Variants in DLGAP2 observed in about 807,000 individuals in gnomAD.
DLGAP2 encodes the protein disks large-associated protein 2.
Under a neutral mutation model 100.3 loss-of-function variants are expected in DLGAP2, and 26 were observed. The observed-to-expected ratio is 0.26, with a 90% confidence interval of 0.19 to 0.36. The LOEUF is 0.36. Among genes scored for constraint, DLGAP2 ranks in the 10% least tolerant of loss-of-function variants. The pLI is 1.00. For missense variants in DLGAP2, 1,858 were observed against 1,453.2 expected (o/e 1.28, Z -4.53); for synonymous variants, 886 against 630.1 (o/e 1.41, Z -6.08).
chr8:1,133,840 A>G lies in DLGAP2; in HGVS notation c.74-125011A>G, dbSNP rs1263864171. On this transcript the variant is annotated intron_variant, in intron 2 of 14. Transcript: ENST00000637795. ...TACAATCATAAAATCCGTATTGGGA[A>G]TTGATTAACCCTTTTTTTTTTTAAG... 3.9e-5 allele frequency among the ~76,000 whole-genome samples: 6 copies of G among 152,194 alleles called. No individual in the cohort carries two copies. In the South Asian group the frequency reaches 8.3e-4, roughly 21 times the overall value.
chr8:1,571,787 ACG>A (rs1201089692), intron 6 of DLGAP2, among the ~76,000 whole-genome samples: 1 of 106,282 alleles, frequency 9.4e-6, no homozygotes. Flanking sequence ...TGGAGAGGAG[ACG>A]GGGTGAACTA....
At chr8:1,590,533 C>T (rs1344569631) in intron 6 of DLGAP2, among the ~76,000 whole-genome samples, 1 of 152,184 alleles carries the variant, frequency 6.6e-6, no homozygotes, top group Non-Finnish European at 1.5e-5. Flanking sequence ...AACCTGATTT[C>T]CTTTCCTCAG....
intron 3 of DLGAP2, among the ~76,000 whole-genome samples, chr8:1,309,508 T>C (rs1800564606): frequency 1.3e-5 from 2 of 152,208 alleles, no homozygotes; most frequent in South Asian, 4.1e-4. Context: ...AGTAAAACTA[T>C]CCTTCACAAT....
At chr8:1,234,786 T>C (rs1798607991) in intron 2 of DLGAP2, among the ~76,000 whole-genome samples, 1 of 152,196 alleles carries the variant, frequency 6.6e-6, no homozygotes, top group African/African-American at 2.4e-5. Context: ...CTTGCGCAAC[T>C]GGGGCCTTTC....
intron 2 of DLGAP2, among the ~76,000 whole-genome samples, chr8:1,065,738 C>T (rs1210348806): frequency 6.6e-6 from 1 of 152,206 alleles, no homozygotes; most frequent in Non-Finnish European, 1.5e-5. Context: ...CATTTAAGTA[C>T]ATCGTTTGCT....
At chr8:1,256,980 G>A (rs985427556) in intron 2 of DLGAP2, among the ~76,000 whole-genome samples, 3 of 152,132 alleles carry the variant, frequency 2.0e-5, no homozygotes, top group East Asian at 3.9e-4. Flanking sequence ...GTGGCCCTGG[G>A]CCCAGGGCTC....
intron 1 of DLGAP2, 28 bp from the exon 2 acceptor site, chr8:907,884 T>C: frequency 2.5e-6 from 1 of 398,836 alleles, no homozygotes; most frequent in Non-Finnish European, 4.4e-6. Flanking sequence ...TGATAACAAA[T>C]GTATTTTATT....
intron 3 of DLGAP2, among the ~76,000 whole-genome samples, chr8:1,260,991 G>A (rs555056664): frequency 7.2e-5 from 11 of 152,226 alleles, no homozygotes; most frequent in Non-Finnish European, 1.2e-4. Context: ...CATACTGTCG[G>A]CTCCCAGCAA....
At chr8:1,645,037 G>C (rs775242942) in intron 8 of DLGAP2, among the ~76,000 whole-genome samples, 1 of 152,162 alleles carries the variant, frequency 6.6e-6, no homozygotes, top group African/African-American at 2.4e-5. Flanking sequence ...CAAGGTTAGA[G>C]AGAGCTCTGA....
Position 1,433,738 on chromosome 8 carries a change from C to CTTTTTTTTT in DLGAP2, c.107-67618_107-67610dup, listed in dbSNP as rs3052055. Among the ~76,000 whole-genome samples, 11 of 124,206 alleles carry CTTTTTTTTT rather than the reference C, an allele frequency of 8.9e-5. 1 individual carries two copies. The highest frequency in any genetic ancestry group is 1.1e-4 in the Non-Finnish European group (7 of 61,990). The allele number at this position is 124,206 out of a possible 152,430, so 81.5% of individuals were successfully genotyped here. A position where few individuals can be genotyped will look rare whatever the true frequency, so the allele number is the denominator to read the frequency against. The stretch of plus-strand genomic sequence containing the variant: ...AAATACACAGATGAGGCAAAACTGG[C>CTTTTTTTTT]TTTTTTTTTTTTTTTTTTGCTAGGA... On this transcript the variant is annotated intron_variant, in intron 3 of 14. Transcript: ENST00000637795.
At chr8:784,004 C>G (rs1821771648) in intron 1 of DLGAP2, among the ~76,000 whole-genome samples, 1 of 152,184 alleles carries the variant, frequency 6.6e-6, no homozygotes, top group South Asian at 2.1e-4. Flanking sequence ...AGGGCCATCG[C>G]CAGAATAACA....
At chr8:1,384,074 A>G (rs887756675) in intron 3 of DLGAP2, among the ~76,000 whole-genome samples, 1 of 152,096 alleles carries the variant, frequency 6.6e-6, no homozygotes, top group Admixed American at 6.5e-5. Flanking sequence ...GGGAAACAGT[A>G]TACACTTATT....
chr8:1,383,507 G>C (rs754526728), intron 3 of DLGAP2, among the ~76,000 whole-genome samples: 3 of 152,202 alleles, frequency 2.0e-5, no homozygotes, highest in Non-Finnish European at 4.4e-5. Flanking sequence ...CGCTCAAGGA[G>C]GCAAATGGTT....
intron 2 of DLGAP2, among the ~76,000 whole-genome samples, chr8:1,077,668 A>T (rs1200396554): frequency 3.3e-5 from 5 of 152,148 alleles, no homozygotes; most frequent in African/African-American, 4.8e-5. Context: ...AACATCTCTA[A>T]GTTTTATACT....
chr8:1,577,247 T>C (rs1252359292), intron 6 of DLGAP2, among the ~76,000 whole-genome samples: 1 of 152,206 alleles, frequency 6.6e-6, no homozygotes, highest in African/African-American at 2.4e-5. Context: ...ACCCCGTAAA[T>C]ACACATACTT....
rs1797961705 is a variant in DLGAP2, at chr8:1,205,115, G to A, written c.74-53736G>A. The stretch of plus-strand genomic sequence containing the variant: ...CCTGTCCGTCAAGGAGGGGCCAGGT[G>A]GGAATTTCTGCATCTCACGTCCCTT... On this transcript the variant is annotated intron_variant, in intron 2 of 14. Coordinates refer to ENST00000637795, the MANE Select transcript of DLGAP2 (RefSeq NM_001346810.2). Among the ~76,000 whole-genome samples the A allele has an allele frequency of 3.3e-5, 5 of 152,204 alleles. No homozygotes were observed. The South Asian group carries it at 1.0e-3, about 31-fold the overall frequency.
chr8:995,658 G>A (rs1006946654), intron 2 of DLGAP2, among the ~76,000 whole-genome samples: 6 of 152,156 alleles, frequency 3.9e-5, no homozygotes, highest in African/African-American at 1.4e-4. Context: ...ATCTAAGATG[G>A]CTAACACACC....
chr8:1,156,143 C>A (rs1282762274), intron 2 of DLGAP2, among the ~76,000 whole-genome samples: 1 of 152,176 alleles, frequency 6.6e-6, no homozygotes, highest in African/African-American at 2.4e-5. Context: ...CCCTAGGAGC[C>A]TCCCCTGGGC....
At position 1,337,253 on chromosome 8, in the gene DLGAP2, A is replaced by G. The variant is rs887373973; in HGVS notation, c.106+78370A>G. Among the ~76,000 whole-genome samples, 7 of 123,448 alleles carry G rather than the reference A, an allele frequency of 5.7e-5. No homozygotes were observed. In the East Asian group the frequency reaches 1.5e-3, roughly 26 times the overall value. 81.0% of individuals were successfully genotyped at this position (123,448 alleles called of 152,430 possible). A position where few individuals can be genotyped will look rare whatever the true frequency, so the allele number is the denominator to read the frequency against. On this transcript the variant is annotated intron_variant, in intron 3 of 14. Coordinates refer to ENST00000637795, the MANE Select transcript of DLGAP2 (RefSeq NM_001346810.2). ...GGTGGTGGTGAGAATGATGGTGATGATGGTGGTGATGATGAGGATGATGGT... is the reference window on the plus strand; with the variant it reads ...GGTGGTGGTGAGAATGATGGTGATGGTGGTGGTGATGATGAGGATGATGGT...
Sources: gnomAD v4.1 joint callset for allele counts (sites outside exome capture counted in the v4.1 genomes callset) on GRCh38, gnomAD v4.1.1 for gene constraint, MANE v1.5 for transcripts, NCBI Gene and HGNC (gene_info 2026-07-23, HGNC 2026-07-21) for gene names.